The following NCOA3 variants were observed in gnomAD, a reference collection of about 807,000 sequenced individuals.
NCOA3 encodes CBP-interacting protein.
Under a neutral mutation model 158.8 loss-of-function variants are expected in NCOA3, and 51 were observed. That is an observed-to-expected ratio of 0.32 (90% CI 0.26 to 0.41). NCOA3 has a LOEUF of 0.41. NCOA3 is among the 10% of genes least tolerant of loss of function. The pLI is 1.00. For missense variants in NCOA3, 1,510 were observed against 1,746.6 expected (o/e 0.86, Z 2.41); for synonymous variants, 537 against 592.4 (o/e 0.91, Z 1.36).
chr20:47,505,778 A>G (rs1237454410), intron 1 of NCOA3, among the ~76,000 whole-genome samples: 2 of 149,858 alleles, frequency 1.3e-5, no homozygotes, highest in African/African-American at 4.9e-5. Context: ...TGAGTGCTGC[A>G]GTAAAATGTA....
intron 1 of NCOA3, among the ~76,000 whole-genome samples, chr20:47,554,938 C>T (rs1043213613): frequency 4.6e-5 from 7 of 152,198 alleles, no homozygotes; most frequent in South Asian, 2.1e-4. Flanking sequence ...GGAGGCATCA[C>T]GCTACCTGAC....
rs1358061127 is a variant in NCOA3, at chr20:47,523,531, AG to A, written c.-99+21516del. On this transcript the variant is annotated intron_variant, in intron 1 of 22. Transcript: ENST00000371998. ...GTATAAGCAAGAGAGTGCTTAGTAA[AG>A]GGGTTAACCAATTCCATAAAGAAGA... Among the ~76,000 whole-genome samples the A allele has an allele frequency of 2.0e-5, 3 of 152,344 alleles. No homozygotes were observed. The East Asian group carries it at 5.8e-4, about 29-fold the overall frequency.
intron 2 of NCOA3, among the ~76,000 whole-genome samples, chr20:47,605,857 G>A (rs1043108514): frequency 6.6e-6 from 1 of 152,164 alleles, no homozygotes; most frequent in Non-Finnish European, 1.5e-5. Context: ...ATTGATAGCA[G>A]CATTTCTCTG....
chr20:47,605,467 T>C (rs1304830870), intron 2 of NCOA3, among the ~76,000 whole-genome samples: 1 of 152,066 alleles, frequency 6.6e-6, no homozygotes, highest in Non-Finnish European at 1.5e-5. Flanking sequence ...TTATTTAGAG[T>C]ACCTTTTATT....
intron 1 of NCOA3, among the ~76,000 whole-genome samples, chr20:47,562,801 T>G (rs936452890): frequency 1.3e-5 from 2 of 152,226 alleles, no homozygotes; most frequent in African/African-American, 4.8e-5. Context: ...TTTTCTAAAT[T>G]CTTCTTTTTC....
At chr20:47,504,726 C>T (rs2146037456) in intron 1 of NCOA3, among the ~76,000 whole-genome samples, 1 of 151,400 alleles carries the variant, frequency 6.6e-6, no homozygotes, top group Non-Finnish European at 1.5e-5. Flanking sequence ...ATGGCTTGAA[C>T]CCGGGAGGCG....
intron 2 of NCOA3, among the ~76,000 whole-genome samples, chr20:47,591,461 A>G (rs1041828615): frequency 6.6e-6 from 1 of 152,118 alleles, no homozygotes; most frequent in Admixed American, 6.5e-5. Context: ...AGCATCGGAG[A>G]GTAGCAGAAG....
intron 1 of NCOA3, among the ~76,000 whole-genome samples, chr20:47,565,111 A>T (rs1176581442): frequency 6.6e-6 from 1 of 152,084 alleles, no homozygotes; most frequent in African/African-American, 2.4e-5. Context: ...CCTCCAGAGT[A>T]GCTGGGATTA....
chr20:47,555,119 AT>A (rs2084982727), intron 1 of NCOA3, among the ~76,000 whole-genome samples: 1 of 152,218 alleles, frequency 6.6e-6, no homozygotes, highest in Non-Finnish European at 1.5e-5. Context: ...AGGATTCCCT[AT>A]TTACACTCTT....
chr20:47,520,061 C>CAAAAAA (rs35406814), intron 1 of NCOA3, among the ~76,000 whole-genome samples: 5 of 32,898 alleles, frequency 1.5e-4, no homozygotes, highest in South Asian at 1.6e-3. Context: ...TGTGCCTGGC[C>CAAAAAA]AAAAAAAAAA....
chr20:47,601,602 G>A lies in NCOA3; in HGVS notation c.-20+18341G>A, dbSNP rs1482308853. Among the ~76,000 whole-genome samples, 4 of 152,278 alleles carry A rather than the reference G, an allele frequency of 2.6e-5. No homozygotes were observed. The East Asian group carries it at 7.7e-4, about 29-fold the overall frequency. ...TCCAGTTTGTATCACTGTTATAAAT[G>A]AGCCTATCTCATGTGCCAAACTTTT... On this transcript the variant is annotated intron_variant, in intron 2 of 22. Coordinates refer to ENST00000371998, the MANE Select transcript of NCOA3 (RefSeq NM_181659.3).
At position 47,511,524 on chromosome 20, in the gene NCOA3, GATATATAT is replaced by G. The variant is rs34123990; in HGVS notation, c.-99+9530_-99+9537del. On this transcript the variant is annotated intron_variant, in intron 1 of 22. Transcript: ENST00000371998. ...TAGCTGAGATATGTATCTCTCTCGA[GATATATAT>G]ATATATATATATATATATATATATT... is the stretch of plus-strand genomic sequence containing the variant. Among the ~76,000 whole-genome samples the G allele has an allele frequency of 3.0e-3, 66 of 22,016 alleles. 4 individuals are homozygous for G. The highest frequency in any genetic ancestry group is 0.016 in the Admixed American group (17 of 1,080). The allele number at this position is 22,016 out of a possible 152,430, so 14.4% of individuals were successfully genotyped here. A position where few individuals can be genotyped will look rare whatever the true frequency, so the allele number is the denominator to read the frequency against.
chr20:47,623,939 CG>C lies in NCOA3; in HGVS notation c.115del (p.Glu39SerfsTer13). ...TACCTGCAGTGGTGAAAAACGGAGACGGGAGCAGGAAAGTAAATATATTGAA... is the reference window on the plus strand; with the variant it reads ...TACCTGCAGTGGTGAAAAACGGAGACGGAGCAGGAAAGTAAATATATTGAA... The part of the protein sequence containing the change: ...GLTCSGEKRR[R>X]EQESKYIEEL... On this transcript the variant is annotated frameshift_variant, in exon 4 of 23. Transcript: ENST00000371998. LOFTEE classifies it high-confidence loss of function. 1 of 1,613,112 alleles carries C rather than the reference CG, an allele frequency of 6.2e-7. No homozygotes were observed. Among genetic ancestry groups the C allele is most frequent in the Non-Finnish European group, 8.5e-7 (1 of 1,179,794 alleles).
chr20:47,556,415 G>C (rs925518174), intron 1 of NCOA3, among the ~76,000 whole-genome samples: 1 of 152,184 alleles, frequency 6.6e-6, no homozygotes, highest in Non-Finnish European at 1.5e-5. Context: ...AGAATATAGA[G>C]TAGAAATTGA....
chr20:47,531,066 G>A (rs1602355437), intron 1 of NCOA3, among the ~76,000 whole-genome samples: 2 of 152,054 alleles, frequency 1.3e-5, no homozygotes, highest in African/African-American at 4.8e-5. Context: ...GGCTGGGTGC[G>A]GTGGCTCACA....
chr20:47,523,109 C>T (rs1382518406), intron 1 of NCOA3, among the ~76,000 whole-genome samples: 2 of 152,122 alleles, frequency 1.3e-5, no homozygotes, highest in Non-Finnish European at 2.9e-5. Flanking sequence ...TGGCATAAAC[C>T]CGGGAGGCGG....
intron 2 of NCOA3, among the ~76,000 whole-genome samples, chr20:47,618,583 A>AC (rs2086183891): frequency 6.6e-6 from 1 of 151,970 alleles, no homozygotes; most frequent in Non-Finnish European, 1.5e-5. Flanking sequence ...CGAACTCCCG[A>AC]CCTCAGGTGA....
chr20:47,633,881 A>G (rs1164447092), intron 9 of NCOA3, 167 bp from the exon 10 acceptor site: 3 of 914,858 alleles, frequency 3.3e-6, no homozygotes, highest in Middle Eastern at 5.8e-4. Flanking sequence ...GGGTAGGAAA[A>G]TGATGCCTGA....
In NCOA3 at chr20:47,636,250, C is replaced by A; in HGVS notation, c.1864C>A (p.Leu622Met). The A allele has an allele frequency of 6.2e-7, 1 of 1,614,188 alleles. No homozygotes were observed. Among genetic ancestry groups the A allele is most frequent in the South Asian group, 1.1e-5 (1 of 91,086 alleles). ...PLESKGHKKL[L>M]QLLTCSSDDR... Reference sequence around the variant, plus strand: ...GGAAAGCAAAGGTCATAAAAAATTACTGCAGTTACTTACCTGTTCTTCTGA... The same window carrying A: ...GGAAAGCAAAGGTCATAAAAAATTAATGCAGTTACTTACCTGTTCTTCTGA... The change falls in exon 12 of 23, where the codon CTG (leucine) becomes ATG (methionine). Residue 622 changes from leucine (L) to methionine (M), a missense_variant. Leu to Met is a conservative substitution (Grantham distance 15, BLOSUM62 2). Around this residue, in one of 4 missense-constraint regions of NCOA3, gnomAD observed 1,017 missense variants for 1,098.3 expected, o/e 0.93. Transcript: ENST00000371998.
Sources: allele counts gnomAD v4.1 joint callset (sites outside exome capture counted in the v4.1 genomes callset), GRCh38; gene constraint gnomAD v4.1.1; regional missense constraint gnomAD v4.1.1; transcripts MANE v1.5; gene names NCBI Gene and HGNC (gene_info 2026-07-23, HGNC 2026-07-21).